Variants in PPM1E observed in about 807,000 individuals in gnomAD.
The protein encoded by PPM1E is protein phosphatase 1E.
Under a neutral mutation model 65.9 loss-of-function variants are expected in PPM1E, and 20 were observed. That is an observed-to-expected ratio of 0.30 (90% CI 0.21 to 0.44). The LOEUF (loss-of-function observed/expected upper bound fraction) is 0.44, where lower values mean the gene tolerates loss of function less well. Ranked by LOEUF, PPM1E falls within the 20% of genes least tolerant of loss-of-function variation. The pLI, the probability that PPM1E is intolerant of heterozygous loss-of-function variation, is 1.00. For synonymous variants in PPM1E, 352 were observed against 374.9 expected (o/e 0.94, Z 0.70); for missense variants, 713 against 953.1 (o/e 0.75, Z 3.32).
chr17:58,779,887 A>G (rs1259918558), intron 1 of PPM1E, among the ~76,000 whole-genome samples: 1 of 152,208 alleles, frequency 6.6e-6, no homozygotes, highest in East Asian at 1.9e-4. Flanking sequence ...TTAAAAGTGT[A>G]TCATGGCTGT....
intron 1 of PPM1E, among the ~76,000 whole-genome samples, chr17:58,831,317 C>T (rs551438911): frequency 3.0e-4 from 45 of 152,284 alleles, no homozygotes; most frequent in African/African-American, 1.0e-3. Flanking sequence ...AAAACTTTAT[C>T]TTAAAGCTTT....
intron 1 of PPM1E, among the ~76,000 whole-genome samples, chr17:58,879,746 T>C (rs1388399889): frequency 6.6e-6 from 1 of 152,038 alleles, no homozygotes; most frequent in Non-Finnish European, 1.5e-5. Flanking sequence ...CCTGACCTCG[T>C]GATCCACCCG....
intron 4 of PPM1E, 56 bp downstream of exon 4, chr17:58,969,783 G>A (rs1398790053): frequency 6.5e-7 from 1 of 1,542,742 alleles, no homozygotes; most frequent in African/African-American, 1.4e-5. Context: ...GCTCAATTTG[G>A]TCTGTGTGGT....
In PPM1E at chr17:58,756,033, G is replaced by C; in HGVS notation, c.36G>C (p.Arg12=). ...GCATCCCTGAGGAGAAAACTTACCG[G>C]CGCTTCCTGGAGCTATTCCTGGGCG... ...AGCIPEEKTY[R]RFLELFLGEF... Residue 12 remains arginine, a synonymous_variant, in exon 1 of 7, where the codon CGG becomes CGC. Transcript: ENST00000308249. The C allele has an allele frequency of 1.2e-6, 2 of 1,614,046 alleles. No individual in the cohort carries two copies. The highest frequency in any genetic ancestry group is 2.7e-5 in the African/African-American group (2 of 75,042).
At chr17:58,920,532 T>C (rs2051738349) in intron 1 of PPM1E, among the ~76,000 whole-genome samples, 1 of 152,248 alleles carries the variant, frequency 6.6e-6, no homozygotes, top group Non-Finnish European at 1.5e-5. Context: ...TTCTCTATGA[T>C]CTTCACTACC....
intron 1 of PPM1E, among the ~76,000 whole-genome samples, chr17:58,881,520 G>A (rs751288714): frequency 2.6e-5 from 4 of 151,998 alleles, no homozygotes; most frequent in Admixed American, 6.6e-5. Context: ...AAAATTAGCC[G>A]GGTGTGGTGG....
At chr17:58,795,039 C>A (rs988766829) in intron 1 of PPM1E, among the ~76,000 whole-genome samples, 3 of 151,936 alleles carry the variant, frequency 2.0e-5, no homozygotes, top group African/African-American at 7.3e-5. Flanking sequence ...CAGGAGCCCA[C>A]CCCCATGCCC....
intron 1 of PPM1E, among the ~76,000 whole-genome samples, chr17:58,838,866 A>G (rs1314364820): frequency 6.6e-6 from 1 of 152,230 alleles, no homozygotes; most frequent in Non-Finnish European, 1.5e-5. Flanking sequence ...GAAAGGAGAT[A>G]TTAAACCAGG....
At chr17:58,911,882 A>T (rs1237043845) in intron 1 of PPM1E, among the ~76,000 whole-genome samples, 1 of 152,232 alleles carries the variant, frequency 6.6e-6, no homozygotes, top group Non-Finnish European at 1.5e-5. Context: ...AAGAGCTCAG[A>T]GTCGCAAGGA....
chr17:58,884,836 G>T (rs2051247042), intron 1 of PPM1E, among the ~76,000 whole-genome samples: 1 of 152,070 alleles, frequency 6.6e-6, no homozygotes, highest in African/African-American at 2.4e-5. Flanking sequence ...TTAGAGCAAT[G>T]CCTTGCACAT....
At chr17:58,801,583 AG>A (rs2050258927) in intron 1 of PPM1E, among the ~76,000 whole-genome samples, 1 of 150,578 alleles carries the variant, frequency 6.6e-6, no homozygotes, top group Non-Finnish European at 1.5e-5. Context: ...CTGGGACTAC[AG>A]GCACGTGCCA....
At chr17:58,756,608 C>A (rs2049768271) in intron 1 of PPM1E, 147 bp downstream of exon 1, 3 of 1,041,416 alleles carry the variant, frequency 2.9e-6, no homozygotes, top group East Asian at 6.8e-5. Context: ...GCCCCCGCTG[C>A]TCGGACCCGG....
At chr17:58,756,742 C>G (rs576003190) in intron 1 of PPM1E, among the ~76,000 whole-genome samples, 1 of 152,142 alleles carries the variant, frequency 6.6e-6, no homozygotes, top group African/African-American at 2.4e-5. Context: ...GCCCGGGCCC[C>G]TCATCCCCTT....
chr17:58,865,830 C>G (rs2050996888), intron 1 of PPM1E, among the ~76,000 whole-genome samples: 2 of 152,194 alleles, frequency 1.3e-5, no homozygotes, highest in South Asian at 4.1e-4. Context: ...AACAGCAAAT[C>G]TGCACTTTCA....
At chr17:58,832,090 A>G (rs910367664) in intron 1 of PPM1E, among the ~76,000 whole-genome samples, 29 of 152,152 alleles carry the variant, frequency 1.9e-4, no homozygotes, top group African/African-American at 6.8e-4. Context: ...GAGTATTCCA[A>G]ATAAATCTGT....
chr17:58,968,793 A>G (rs2030418108), intron 3 of PPM1E, among the ~76,000 whole-genome samples: 1 of 152,232 alleles, frequency 6.6e-6, no homozygotes, highest in Admixed American at 6.5e-5. Context: ...GCTTTTGTCA[A>G]GACAAAGCAC....
intron 1 of PPM1E, among the ~76,000 whole-genome samples, chr17:58,903,045 C>T (rs556224368): frequency 6.6e-6 from 1 of 152,000 alleles, no homozygotes; most frequent in African/African-American, 2.4e-5. Context: ...CTCTCCAACC[C>T]AAGAGTAGCG....
At chr17:58,967,431 A>G (rs919602070) in intron 3 of PPM1E, among the ~76,000 whole-genome samples, 5 of 152,012 alleles carry the variant, frequency 3.3e-5, no homozygotes, top group Non-Finnish European at 7.4e-5. Flanking sequence ...GGAAATGCCA[A>G]TAATAAAAAT....
intron 1 of PPM1E, among the ~76,000 whole-genome samples, chr17:58,805,992 A>AAC (rs2050309445): frequency 8.4e-6 from 1 of 119,088 alleles, no homozygotes; most frequent in Non-Finnish European, 1.7e-5. Context: ...AAACAAAACA[A>AAC]AACAAAACAA....
Sources: allele counts gnomAD v4.1 joint callset (sites outside exome capture counted in the v4.1 genomes callset), GRCh38; gene constraint gnomAD v4.1.1; transcripts MANE v1.5; gene names NCBI Gene and HGNC (gene_info 2026-07-23, HGNC 2026-07-21).